The following MICU1 variants were observed in gnomAD, a reference collection of about 807,000 sequenced individuals.
The protein encoded by MICU1 is mitochondrial calcium uptake 1.
In MICU1, 45 loss-of-function variants were observed where a neutral mutation model predicts 56.8. That is an observed-to-expected ratio of 0.79 (90% CI 0.62 to 1.02). MICU1 has a LOEUF of 1.02. Ranked by LOEUF, MICU1 falls within the 50% of genes least tolerant of loss-of-function variation. MICU1 has a pLI of 0.00. For missense variants in MICU1, 504 were observed against 587.1 expected (o/e 0.86, Z 1.46); for synonymous variants, 186 against 195.1 (o/e 0.95, Z 0.39).
At chr10:72,433,694 T>C (rs778382205) in intron 8 of MICU1, among the ~76,000 whole-genome samples, 32 of 152,184 alleles carry the variant, frequency 2.1e-4, no homozygotes, top group Non-Finnish European at 4.1e-4. Context: ...CCTCCCAAAG[T>C]GCTGGGATTA....
Position 72,512,097 on chromosome 10 carries a change from G to GTTTTTTTTTTTTTTTTTTTTTTTTT in MICU1, c.538-3829_538-3828insAAAAAAAAAAAAAAAAAAAAAAAAA, listed in dbSNP as rs1867471926. ...CTTATCAATCTGGCATCCATACACA[G>GTTTTTTTTTTTTTTTTTTTTTTTTT]TTGTTTTTTGTTTTTTTTTTTTTTT... On this transcript the variant is annotated intron_variant, in intron 5 of 11. Coordinates refer to ENST00000361114, the MANE Select transcript of MICU1 (RefSeq NM_001195518.2). Among the ~76,000 whole-genome samples the GTTTTTTTTTTTTTTTTTTTTTTTTT allele has an allele frequency of 8.9e-5, 9 of 100,690 alleles. 1 individual carries two copies. Among genetic ancestry groups the GTTTTTTTTTTTTTTTTTTTTTTTTT allele is most frequent in the African/African-American group, 3.7e-4 (9 of 24,056 alleles). The allele number at this position is 100,690 out of a possible 152,430, so 66.1% of individuals were successfully genotyped here. A position where few individuals can be genotyped will look rare whatever the true frequency, so the allele number is the denominator to read the frequency against.
chr10:72,453,270 C>T (rs138495024), intron 8 of MICU1, among the ~76,000 whole-genome samples: 2 of 152,248 alleles, frequency 1.3e-5, no homozygotes, highest in East Asian at 3.9e-4. Flanking sequence ...ATAACCCTGT[C>T]GGATGATAGA....
chr10:72,459,022 C>T (rs990735819), intron 8 of MICU1, among the ~76,000 whole-genome samples: 2 of 151,978 alleles, frequency 1.3e-5, no homozygotes, highest in African/African-American at 4.8e-5. Context: ...AGCCACTGCA[C>T]CTAGCCTTCA....
At chr10:72,560,535 A>AC (rs2132462809) in intron 3 of MICU1, 1 of 152,310 alleles carries the variant, frequency 6.6e-6, no homozygotes, top group Non-Finnish European at 1.5e-5. Flanking sequence ...AATAAATCAA[A>AC]CCCTTGAATT....
chr10:72,590,859 A>C (rs78058196), intron 1 of MICU1, among the ~76,000 whole-genome samples: 1 of 151,082 alleles, frequency 6.6e-6, no homozygotes, highest in African/African-American at 2.4e-5. Context: ...AAAAAAAAAA[A>C]AACAGAAGAC....
At chr10:72,612,895 TACAA>T (rs1841888437) in intron 1 of MICU1, among the ~76,000 whole-genome samples, 1 of 150,332 alleles carries the variant, frequency 6.7e-6, no homozygotes, top group South Asian at 2.1e-4. Context: ...ACAAATGACA[TACAA>T]AGAATAAAAA....
chr10:72,410,217 A>G (rs1863764322), intron 9 of MICU1, among the ~76,000 whole-genome samples: 1 of 152,152 alleles, frequency 6.6e-6, no homozygotes, highest in Non-Finnish European at 1.5e-5. Flanking sequence ...AAAGTATTTC[A>G]TTGTGTGAAT....
rs956112454 is a variant in MICU1, at chr10:72,423,226, C to T, written c.1071+8G>A. On this transcript the variant is annotated splice_region_variant and intron_variant, in intron 9 of 11. Coordinates refer to ENST00000361114, the MANE Select transcript of MICU1 (RefSeq NM_001195518.2). ...GTTTCTCTTCTTCCTCCAGCCAAAG[C>T]TACCTACCTTTCCTTCTTTGAAGTG... 5.0e-6 allele frequency: 8 copies of T among 1,611,382 alleles called. No individual in the cohort carries two copies. In the Admixed American group the frequency reaches 1.3e-4, roughly 27 times the overall value.
At chr10:72,500,469 T>G (rs1411642160) in intron 6 of MICU1, among the ~76,000 whole-genome samples, 1 of 150,998 alleles carries the variant, frequency 6.6e-6, no homozygotes, top group Non-Finnish European at 1.5e-5. Context: ...TTACAGGTAC[T>G]CACCACCATA....
At chr10:72,463,069 C>T (rs1001442620) in intron 8 of MICU1, among the ~76,000 whole-genome samples, 9 of 145,464 alleles carry the variant, frequency 6.2e-5, no homozygotes, top group African/African-American at 2.2e-4. Flanking sequence ...GTCTTCTGCA[C>T]TTTTTTTTTT....
In MICU1 at chr10:72,423,534, G is replaced by A. The variant is rs554637298; in HGVS notation, c.934-163C>T. Among the ~76,000 whole-genome samples, 136 of 152,304 alleles carry A rather than the reference G, an allele frequency of 8.9e-4. 4 individuals carry two copies. In the South Asian group the frequency reaches 0.027, roughly 30 times the overall value. On this transcript the variant is annotated intron_variant, in intron 8 of 11. Coordinates refer to ENST00000361114, the MANE Select transcript of MICU1 (RefSeq NM_001195518.2). Reference sequence around the variant, plus strand: ...GATCTGCAAAAACTAAGAAACAGAAGATATAGGTTCTTATCCCAGATCTGC... The same window carrying A: ...GATCTGCAAAAACTAAGAAACAGAAAATATAGGTTCTTATCCCAGATCTGC...
intron 5 of MICU1, among the ~76,000 whole-genome samples, chr10:72,512,819 C>G (rs1239633862): frequency 1.3e-5 from 2 of 152,180 alleles, no homozygotes; most frequent in Non-Finnish European, 2.9e-5. Flanking sequence ...ATCCTCCCAT[C>G]TCAGCCTCCC....
chr10:72,465,589 C>G (rs989786234), intron 8 of MICU1, among the ~76,000 whole-genome samples: 1 of 141,776 alleles, frequency 7.1e-6, no homozygotes, highest in Non-Finnish European at 1.5e-5. Flanking sequence ...TCTTGGCTCA[C>G]TGCAACCTCT....
intron 4 of MICU1, among the ~76,000 whole-genome samples, chr10:72,544,862 C>T (rs368242922): frequency 1.2e-3 from 181 of 152,318 alleles, no homozygotes; most frequent in Admixed American, 2.8e-3. Context: ...ATTCATCTTG[C>T]ACTCTAAAGT....
chr10:72,539,848 C>A (rs779722980), intron 4 of MICU1, among the ~76,000 whole-genome samples: 5 of 152,096 alleles, frequency 3.3e-5, no homozygotes, highest in Non-Finnish European at 7.4e-5. Context: ...GAGGAAGAAA[C>A]TCATATATTC....
At chr10:72,494,372 G>A (rs1345078692) in intron 6 of MICU1, among the ~76,000 whole-genome samples, 5 of 152,192 alleles carry the variant, frequency 3.3e-5, no homozygotes, top group South Asian at 2.1e-4. Context: ...CTAGTCAGGC[G>A]ACCCATGTTT....
rs1338627492 is a variant in MICU1 at position 72,548,719 on chromosome 10, CAG to C, written c.493+2458_493+2459del. On this transcript the variant is annotated intron_variant, in intron 4 of 11. Transcript: ENST00000361114. ...TCTATCTCTCTCTCTCTTTCTGAGA[CAG>C]AGTCTCCCTCTGTCACCCAGGCTAG... Among the ~76,000 whole-genome samples, 11 of 152,316 alleles carry C rather than the reference CAG, an allele frequency of 7.2e-5. No individual in the cohort carries two copies. In the South Asian group the frequency reaches 1.2e-3, roughly 17 times the overall value.
chr10:72,465,305 TTTTG>T (rs1290721716), intron 8 of MICU1, among the ~76,000 whole-genome samples: 2 of 119,990 alleles, frequency 1.7e-5, no homozygotes, highest in Non-Finnish European at 4.0e-5. Flanking sequence ...GCCCATAGTT[TTTTG>T]TTTTTTTTTT....
At chr10:72,414,529 T>A (rs1589191556) in intron 9 of MICU1, among the ~76,000 whole-genome samples, 1 of 152,084 alleles carries the variant, frequency 6.6e-6, no homozygotes, top group South Asian at 2.1e-4. Flanking sequence ...GGGGCTAGGG[T>A]AGAAATGAGG....
Sources: gnomAD v4.1 joint callset for allele counts (sites outside exome capture counted in the v4.1 genomes callset) on GRCh38, gnomAD v4.1.1 for gene constraint, MANE v1.5 for transcripts, NCBI Gene and HGNC (gene_info 2026-07-23, HGNC 2026-07-21) for gene names.